C10orf67: variants seen among roughly 807,000 people sequenced by gnomAD.
C10orf67 encodes the protein chromosome 10 open reading frame 67.
A neutral mutation model predicts 35.6 loss-of-function variants in C10orf67; 60 were observed. That is an observed-to-expected ratio of 1.68 (90% confidence interval 1.37 to 2.09). The LOEUF (loss-of-function observed/expected upper bound fraction) is 2.09, where lower values mean the gene tolerates loss of function less well. Ranked by LOEUF, C10orf67 falls within the 30% of genes most tolerant of loss-of-function variation. C10orf67 has a pLI of 0.00. For synonymous variants in C10orf67, 167 were observed against 115.8 expected, an observed-to-expected ratio of 1.44 and a Z score of -2.84; for missense variants, 474 against 330.2, an observed-to-expected ratio of 1.44 and a Z score of -3.38.
rs552176702 is a variant in C10orf67 at position 23,265,320 on chromosome 10, C to G, written c.1200+942G>C. 2.6e-5 allele frequency among the ~76,000 whole-genome samples: 4 copies of G among 152,348 alleles called. No homozygotes were observed. In the East Asian group the frequency reaches 7.7e-4, roughly 29 times the overall value. ...TCCCCCTTTTTGGAGCAAGGATGCACACGGTGTGCACAATTCTGTTCCACT... is the reference window on the plus strand; with the variant it reads ...TCCCCCTTTTTGGAGCAAGGATGCAGACGGTGTGCACAATTCTGTTCCACT... On this transcript the variant is annotated intron_variant, in intron 10 of 15. Transcript: ENST00000636213.
chr10:23,229,197 A>G (rs370313714), intron 13 of C10orf67, among the ~76,000 whole-genome samples: 6 of 152,102 alleles, frequency 3.9e-5, no homozygotes, highest in South Asian at 4.1e-4. Context: ...ATGTCCATCA[A>G]TGATAGACTG....
chr10:23,231,061 G>A (rs1489494957), intron 13 of C10orf67, among the ~76,000 whole-genome samples: 1 of 151,972 alleles, frequency 6.6e-6, no homozygotes, highest in South Asian at 2.1e-4. Flanking sequence ...GACCTCCCAG[G>A]CTCAAGCTAT....
Position 23,289,248 on chromosome 10 carries a change from C to T in C10orf67, c.909+652G>A, listed in dbSNP as rs117414485. ...GTGCAATTCTAGTTCACTGCAGCCC[C>T]GAACTTCTGAGCTTAAACAATCCTC... On this transcript the variant is annotated intron_variant, in intron 7 of 15. Transcript: ENST00000636213. 3.4e-3 allele frequency among the ~76,000 whole-genome samples: 523 copies of T among 152,164 alleles called. 14 individuals are homozygous for T. The East Asian group carries it at 0.05, about 14-fold the overall frequency.
chr10:23,306,894 G>A (rs1844305610), intron 4 of C10orf67, among the ~76,000 whole-genome samples: 1 of 152,150 alleles, frequency 6.6e-6, no homozygotes, highest in South Asian at 2.1e-4. Context: ...CTGGAAAAAG[G>A]TAATAATAGT....
At chr10:23,276,570 TAATAA>T (rs1280079462) in intron 8 of C10orf67, among the ~76,000 whole-genome samples, 1 of 152,160 alleles carries the variant, frequency 6.6e-6, no homozygotes, top group Admixed American at 6.5e-5. Flanking sequence ...CTTGGTGGGC[TAATAA>T]AAGACCAAAG....
intron 8 of C10orf67, among the ~76,000 whole-genome samples, chr10:23,270,503 G>C (rs1842987918): frequency 6.6e-6 from 1 of 152,184 alleles, no homozygotes; most frequent in Non-Finnish European, 1.5e-5. Flanking sequence ...CTCTGGTCCT[G>C]GGAATCCTGG....
intron 8 of C10orf67, among the ~76,000 whole-genome samples, chr10:23,280,530 C>T (rs1239211916): frequency 2.0e-5 from 3 of 152,150 alleles, no homozygotes; most frequent in Admixed American, 6.5e-5. Context: ...CAATGGAAAC[C>T]TCCATCACAA....
chr10:23,279,393 G>T (rs1843297269), intron 8 of C10orf67, among the ~76,000 whole-genome samples: 1 of 152,240 alleles, frequency 6.6e-6, no homozygotes, highest in Non-Finnish European at 1.5e-5. Flanking sequence ...GCCAAATACT[G>T]CCACATGACA....
At chr10:23,327,202 G>A (rs972102322) in intron 2 of C10orf67, among the ~76,000 whole-genome samples, 3 of 151,824 alleles carry the variant, frequency 2.0e-5, no homozygotes, top group East Asian at 1.9e-4. Flanking sequence ...GAGAAAAAAG[G>A]TATAGAAAAA....
chr10:23,268,546 C>G (rs1182988411), intron 8 of C10orf67, among the ~76,000 whole-genome samples: 16 of 152,138 alleles, frequency 1.1e-4, no homozygotes, highest in Admixed American at 1.0e-3. Context: ...ACCAATAAAG[C>G]AGAACTCAAG....
chr10:23,244,254 G>A (rs1000609471), intron 12 of C10orf67, among the ~76,000 whole-genome samples: 1 of 152,104 alleles, frequency 6.6e-6, no homozygotes, highest in African/African-American at 2.4e-5. Flanking sequence ...AAAATATTTT[G>A]TTTGAGTGAT....
chr10:23,242,249 G>A (rs767067474), intron 12 of C10orf67, among the ~76,000 whole-genome samples: 5 of 152,172 alleles, frequency 3.3e-5, no homozygotes, highest in South Asian at 2.1e-4. Flanking sequence ...GATTACAAGC[G>A]TGAGCCACCA....
In C10orf67 at chr10:23,295,824, A is replaced by T. The variant is rs145305395; in HGVS notation, c.703-4545T>A. Among the ~76,000 whole-genome samples, 221 of 152,378 alleles carry T rather than the reference A, an allele frequency of 1.5e-3. 1 individual carries two copies. Among genetic ancestry groups the T allele is most frequent in the African/African-American group, 4.8e-3 (201 of 41,588 alleles). ...TTGAATGTGCTTCCTAGTCCAAGAT[A>T]TATACAAAAATTAATATTCAATTTT... On this transcript the variant is annotated intron_variant, in intron 5 of 15. Coordinates refer to ENST00000636213, the MANE Select transcript of C10orf67 (RefSeq NM_001371909.1).
At chr10:23,309,865 A>G (rs1414027739) in intron 4 of C10orf67, among the ~76,000 whole-genome samples, 4 of 152,280 alleles carry the variant, frequency 2.6e-5, no homozygotes, top group Non-Finnish European at 4.4e-5. Context: ...ATTAGTGCAG[A>G]CTCAAAGATT....
chr10:23,214,742 C>G (rs1331466801), intron 15 of C10orf67, among the ~76,000 whole-genome samples: 1 of 152,088 alleles, frequency 6.6e-6, no homozygotes, highest in Non-Finnish European at 1.5e-5. Context: ...CAGGGAGAGG[C>G]TGGGTGCAGT....
At chr10:23,238,539 C>T (rs11013346) in intron 13 of C10orf67, among the ~76,000 whole-genome samples, 3 of 152,146 alleles carry the variant, frequency 2.0e-5, no homozygotes, top group Admixed American at 1.3e-4. Flanking sequence ...GGATCTACTC[C>T]TGTGCTTGAA....
chr10:23,228,122 T>G (rs1329251027), intron 13 of C10orf67, among the ~76,000 whole-genome samples: 1 of 151,982 alleles, frequency 6.6e-6, no homozygotes, highest in Non-Finnish European at 1.5e-5. Context: ...AAAAGAGCCC[T>G]CATTGCCAAG....
chr10:23,235,959 C>T (rs898877384), intron 13 of C10orf67, among the ~76,000 whole-genome samples: 66 of 151,206 alleles, frequency 4.4e-4, no homozygotes, highest in Admixed American at 2.2e-3. Context: ...ACCAAAAATA[C>T]AAAAATTGGC....
At chr10:23,326,672 A>G (rs1167886954) in intron 2 of C10orf67, among the ~76,000 whole-genome samples, 1 of 152,162 alleles carries the variant, frequency 6.6e-6, no homozygotes, top group African/African-American at 2.4e-5. Context: ...ATGTATGTAT[A>G]ATAGATGCAA....
Sources: allele counts gnomAD v4.1 joint callset (sites outside exome capture counted in the v4.1 genomes callset), GRCh38; gene constraint gnomAD v4.1.1; transcripts MANE v1.5; gene names NCBI Gene and HGNC (gene_info 2026-07-23, HGNC 2026-07-21).